The following SLMAP variants were observed in gnomAD, a reference collection of about 807,000 sequenced individuals.
The protein encoded by SLMAP is sarcolemmal membrane-associated protein.
Under a neutral mutation model 128.8 loss-of-function variants are expected in SLMAP, and 44 were observed. The observed-to-expected ratio is 0.34, with a 90% confidence interval of 0.27 to 0.44. The LOEUF (loss-of-function observed/expected upper bound fraction) is 0.44. Ranked by LOEUF, SLMAP falls within the 20% of genes least tolerant of loss-of-function variation. The pLI, the probability that SLMAP is intolerant of heterozygous loss-of-function variation, is 1.00. For missense variants in SLMAP, 787 were observed against 985.3 expected, an observed-to-expected ratio of 0.80 and a Z score of 2.69; for synonymous variants, 327 against 348.8, an observed-to-expected ratio of 0.94 and a Z score of 0.70.
chr3:57,881,646 CAG>C (rs2095747578), intron 14 of SLMAP, among the ~76,000 whole-genome samples: 1 of 151,942 alleles, frequency 6.6e-6, no homozygotes, highest in Admixed American at 6.6e-5. Flanking sequence ...TTAGTAGAGA[CAG>C]GGTTTCACAG....
At chr3:57,777,780 C>T (rs903416018) in intron 2 of SLMAP, among the ~76,000 whole-genome samples, 2 of 152,258 alleles carry the variant, frequency 1.3e-5, no homozygotes, top group Middle Eastern at 3.4e-3. Context: ...AACAAATGCT[C>T]AACTTTCAAC....
At chr3:57,925,128 T>C (rs1321157259) in intron 23 of SLMAP, among the ~76,000 whole-genome samples, 1 of 151,788 alleles carries the variant, frequency 6.6e-6, no homozygotes, top group Non-Finnish European at 1.5e-5. Flanking sequence ...CTAATTTTTG[T>C]ATTTTTTGTA....
intron 22 of SLMAP, chr3:57,917,351 A>G: frequency 1.6e-6 from 1 of 628,466 alleles, no homozygotes; most frequent in Non-Finnish European, 2.4e-6. Context: ...CCTTTGTACC[A>G]GGTCTCTTGA....
chr3:57,906,674 A>AAAATAT (rs1338436689), intron 17 of SLMAP, among the ~76,000 whole-genome samples: 1 of 67,470 alleles, frequency 1.5e-5, no homozygotes, highest in African/African-American at 5.3e-5. Flanking sequence ...ATGAAAAAAA[A>AAAATAT]ATATATATAT....
chr3:57,829,181 G>A lies in SLMAP; in HGVS notation c.199-2202G>A, dbSNP rs987527790. Among the ~76,000 whole-genome samples, 9 of 152,154 alleles carry A rather than the reference G, an allele frequency of 5.9e-5. No individual in the cohort carries two copies. In the South Asian group the frequency reaches 1.2e-3, roughly 21 times the overall value. Reference sequence around the variant, plus strand: ...GTTGATATACATACATATATATGTTGTATATATATGTACATATATTTCTTT... The same window carrying A: ...GTTGATATACATACATATATATGTTATATATATATGTACATATATTTCTTT... On this transcript the variant is annotated intron_variant, in intron 2 of 24. Coordinates refer to ENST00000671191, the MANE Select transcript of SLMAP (RefSeq NM_001377540.1).
chr3:57,865,310 A>AATAT lies in SLMAP; in HGVS notation c.1237+26_1237+29dup. The AATAT allele has an allele frequency of 9.4e-7, 1 of 1,068,288 alleles. No homozygotes were observed. 66.2% of individuals were successfully genotyped at this position (1,068,288 alleles called of 1,614,324 possible). On this transcript the variant is annotated intron_variant, in intron 13 of 24. Transcript: ENST00000671191. ...AGAAAAAGGTAGTGTAAAAAACTTA[A>AATAT]ATATATATATACTTTTTATGATATC...
intron 2 of SLMAP, among the ~76,000 whole-genome samples, chr3:57,823,285 GTA>G (rs2092670144): frequency 6.6e-6 from 1 of 151,912 alleles, no homozygotes; most frequent in Non-Finnish European, 1.5e-5. Flanking sequence ...TTTGTTACAT[GTA>G]TATACATGTG....
At chr3:57,809,763 A>G (rs1405030160) in intron 2 of SLMAP, among the ~76,000 whole-genome samples, 1 of 152,160 alleles carries the variant, frequency 6.6e-6, no homozygotes, top group Non-Finnish European at 1.5e-5. Context: ...GCTCAGCCAG[A>G]GCTGAGCAGA....
chr3:57,901,225 T>A (rs2096372856), intron 17 of SLMAP: 1 of 152,222 alleles, frequency 6.6e-6, no homozygotes, highest in Non-Finnish European at 1.5e-5. Flanking sequence ...TTCATTTACC[T>A]CTCCAAGTAT....
intron 2 of SLMAP, among the ~76,000 whole-genome samples, chr3:57,824,450 AG>A (rs1386098700): frequency 6.6e-6 from 1 of 152,178 alleles, no homozygotes; most frequent in Non-Finnish European, 1.5e-5. Flanking sequence ...GGTATGAGGC[AG>A]GGGTCCAACT....
At chr3:57,778,488 T>G (rs1294410344) in intron 2 of SLMAP, among the ~76,000 whole-genome samples, 1 of 151,458 alleles carries the variant, frequency 6.6e-6, no homozygotes, top group Admixed American at 6.6e-5. Context: ...TTTCCTGAAT[T>G]TTTGTTCTTT....
intron 14 of SLMAP, among the ~76,000 whole-genome samples, chr3:57,874,374 G>A (rs2095554523): frequency 6.6e-6 from 1 of 152,116 alleles, no homozygotes; most frequent in South Asian, 2.1e-4. Flanking sequence ...ACCCTAATGA[G>A]AGCAGATAAT....
At chr3:57,884,032 G>A (rs757283940) in intron 14 of SLMAP, among the ~76,000 whole-genome samples, 2 of 147,944 alleles carry the variant, frequency 1.4e-5, no homozygotes, top group African/African-American at 5.0e-5. Flanking sequence ...CGCAGGTATC[G>A]ATCCTCCCAT....
At chr3:57,873,792 T>C (rs1430417583) in intron 14 of SLMAP, among the ~76,000 whole-genome samples, 1 of 151,918 alleles carries the variant, frequency 6.6e-6, no homozygotes, top group African/African-American at 2.4e-5. Context: ...TTGGGCAACA[T>C]AGTGAGACCC....
intron 17 of SLMAP, among the ~76,000 whole-genome samples, chr3:57,906,192 C>T (rs897462870): frequency 9.9e-5 from 15 of 151,380 alleles, no homozygotes; most frequent in Non-Finnish European, 1.8e-4. Flanking sequence ...GTGTTTCTGC[C>T]ACTGGAAAAA....
chr3:57,773,267 A>AT (rs1234144603), intron 2 of SLMAP, among the ~76,000 whole-genome samples: 1 of 152,214 alleles, frequency 6.6e-6, no homozygotes, highest in Non-Finnish European at 1.5e-5. Flanking sequence ...GTTAGACTGC[A>AT]TTTCAGGTAA....
At chr3:57,892,301 G>T (rs2096097953) in intron 15 of SLMAP, among the ~76,000 whole-genome samples, 1 of 152,130 alleles carries the variant, frequency 6.6e-6, no homozygotes, top group Non-Finnish European at 1.5e-5. Flanking sequence ...AACAATTACC[G>T]ACTGTTACCA....
chr3:57,851,041 G>T (rs1445049358), intron 6 of SLMAP, among the ~76,000 whole-genome samples: 1 of 152,190 alleles, frequency 6.6e-6, no homozygotes, highest in Non-Finnish European at 1.5e-5. Flanking sequence ...CTTCATTCTA[G>T]CACTTTACCT....
intron 17 of SLMAP, among the ~76,000 whole-genome samples, chr3:57,906,310 C>CTTTTTTTTTTTTTCTTTTTTTTTTT (rs2096551774): frequency 2.1e-5 from 1 of 47,048 alleles, no homozygotes; most frequent in South Asian, 9.1e-4. Context: ...CTTTTTTTTT[C>CTTTTTTTTTTTTTCTTTTTTTTTTT]TTTTTTTTTT....
Sources: gnomAD v4.1 joint callset for allele counts (sites outside exome capture counted in the v4.1 genomes callset) on GRCh38, gnomAD v4.1.1 for gene constraint, MANE v1.5 for transcripts, NCBI Gene and HGNC (gene_info 2026-07-23, HGNC 2026-07-21) for gene names.